Variants in ADAMTS6 observed in about 807,000 individuals in gnomAD.
The protein encoded by ADAMTS6 is ADAM metallopeptidase with thrombospondin type 1 motif 6.
ADAMTS6 carries 23 observed loss-of-function variants against 144.3 expected under a neutral mutation model. The ratio of observed to expected loss-of-function variants is 0.16; its 90% CI spans 0.11 to 0.23. The LOEUF (loss-of-function observed/expected upper bound fraction) is 0.23. ADAMTS6 is among the 10% of genes least tolerant of loss of function. ADAMTS6 has a pLI of 1.00. For synonymous variants in ADAMTS6, 444 were observed against 457.5 expected (o/e 0.97, Z 0.38); for missense variants, 999 against 1,379.6 (o/e 0.72, Z 4.37).
chr5:65,421,413 C>G (rs962231288), intron 7 of ADAMTS6, among the ~76,000 whole-genome samples: 2 of 152,164 alleles, frequency 1.3e-5, no homozygotes, highest in African/African-American at 4.8e-5. Flanking sequence ...TTCTGGCTTG[C>G]AAGGTTTCTG....
At chr5:65,188,793 T>C (rs1012017820) in intron 21 of ADAMTS6, among the ~76,000 whole-genome samples, 1 of 152,250 alleles carries the variant, frequency 6.6e-6, no homozygotes, top group African/African-American at 2.4e-5. Flanking sequence ...TAACATAGTG[T>C]CTGTCATATA....
chr5:65,455,089 T>C (rs1327509359), intron 4 of ADAMTS6, among the ~76,000 whole-genome samples: 2 of 152,264 alleles, frequency 1.3e-5, no homozygotes, highest in Non-Finnish European at 2.9e-5. Context: ...TCTCTTACTC[T>C]GGCTAAACAG....
rs957001736 is a variant in ADAMTS6, at chr5:65,257,561, T to C, written c.1830+3039A>G. ...CTTACCAATATCCTTACGTTTTTCT[T>C]GATTTATTGTTCTGTTGTAATCTTG... On this transcript the variant is annotated intron_variant, in intron 14 of 24. Transcript: ENST00000381055. Among the ~76,000 whole-genome samples, 13 of 152,314 alleles carry C rather than the reference T, an allele frequency of 8.5e-5. No homozygotes were observed. In the Middle Eastern group the frequency reaches 0.01, roughly 120 times the overall value.
At chr5:65,326,007 T>C (rs911086594) in intron 9 of ADAMTS6, among the ~76,000 whole-genome samples, 1 of 152,148 alleles carries the variant, frequency 6.6e-6, no homozygotes, top group African/African-American at 2.4e-5. Context: ...GCTATTCTTG[T>C]TTTCTCTTTC....
At chr5:65,292,321 A>C (rs1580315256) in intron 10 of ADAMTS6, among the ~76,000 whole-genome samples, 2 of 151,774 alleles carry the variant, frequency 1.3e-5, no homozygotes, top group African/African-American at 4.8e-5. Context: ...AGAATTTTTA[A>C]AGAATTCCTA....
chr5:65,324,782 G>A (rs1314655153), intron 9 of ADAMTS6, among the ~76,000 whole-genome samples: 1 of 152,086 alleles, frequency 6.6e-6, no homozygotes, highest in Admixed American at 6.6e-5. Flanking sequence ...CACATGAAAA[G>A]ATGCTCACCA....
At chr5:65,292,321 A>T (rs1580315256) in intron 10 of ADAMTS6, among the ~76,000 whole-genome samples, 2 of 151,864 alleles carry the variant, frequency 1.3e-5, no homozygotes, top group East Asian at 3.9e-4. Context: ...AGAATTTTTA[A>T]AGAATTCCTA....
At chr5:65,200,019 C>T (rs375934926) in intron 20 of ADAMTS6, among the ~76,000 whole-genome samples, 2 of 152,052 alleles carry the variant, frequency 1.3e-5, no homozygotes, top group African/African-American at 4.8e-5. Context: ...GCATGTTTTC[C>T]TTACATTTGT....
rs926641458 is a variant in ADAMTS6 at position 65,195,807 on chromosome 5, C to T, written c.2705+1215G>A. 2.0e-5 allele frequency among the ~76,000 whole-genome samples: 3 copies of T among 152,140 alleles called. No individual in the cohort carries two copies. In the East Asian group the frequency reaches 5.8e-4, roughly 29 times the overall value. On this transcript the variant is annotated intron_variant, in intron 21 of 24. Coordinates refer to ENST00000381055, the MANE Select transcript of ADAMTS6 (RefSeq NM_197941.4). ...GTTTCATGTTGGGATGATTAATTAACCAGGAAGATAACAGTTCATCCAATT... is the reference window on the plus strand; with the variant it reads ...GTTTCATGTTGGGATGATTAATTAATCAGGAAGATAACAGTTCATCCAATT...
intron 11 of ADAMTS6, among the ~76,000 whole-genome samples, chr5:65,286,362 T>C (rs1007680323): frequency 4.6e-5 from 7 of 152,198 alleles, no homozygotes; most frequent in Non-Finnish European, 8.8e-5. Flanking sequence ...CATGACACCA[T>C]GTATTAGCTC....
intron 23 of ADAMTS6, among the ~76,000 whole-genome samples, chr5:65,172,370 C>T (rs56330747): frequency 1.6e-4 from 24 of 150,274 alleles, no homozygotes; most frequent in East Asian, 3.9e-4. Flanking sequence ...GCCGAGATCG[C>T]GCCACTGCAC....
intron 20 of ADAMTS6, among the ~76,000 whole-genome samples, chr5:65,204,717 C>T (rs1240745923): frequency 6.6e-6 from 1 of 152,138 alleles, no homozygotes; most frequent in Non-Finnish European, 1.5e-5. Context: ...TCTTCCTAAA[C>T]TCAAGTCATT....
chr5:65,466,902 C>T (rs1443585765), intron 3 of ADAMTS6, among the ~76,000 whole-genome samples: 3 of 152,040 alleles, frequency 2.0e-5, no homozygotes, highest in South Asian at 2.1e-4. Flanking sequence ...ATTAGCCGGG[C>T]GTAGTGGCGG....
Position 65,288,136 on chromosome 5 carries a change from A to G in ADAMTS6, c.1512+3193T>C, listed in dbSNP as rs556855044. Among the ~76,000 whole-genome samples, 4 of 152,256 alleles carry G rather than the reference A, an allele frequency of 2.6e-5. No individual in the cohort carries two copies. In the East Asian group the frequency reaches 7.7e-4, roughly 29 times the overall value. Reference sequence around the variant, plus strand: ...AAATTTCCAAACATAACTAACATGTATATTAATGAACCTACTCACTAAGAA... The same window carrying G: ...AAATTTCCAAACATAACTAACATGTGTATTAATGAACCTACTCACTAAGAA... On this transcript the variant is annotated intron_variant, in intron 11 of 24. Coordinates refer to ENST00000381055, the MANE Select transcript of ADAMTS6 (RefSeq NM_197941.4).
intron 7 of ADAMTS6, among the ~76,000 whole-genome samples, chr5:65,449,744 A>G (rs1043652641): frequency 2.0e-5 from 3 of 152,246 alleles, no homozygotes; most frequent in Non-Finnish European, 2.9e-5. Flanking sequence ...AATCGGGAAA[A>G]TATCAAGGCG....
At chr5:65,182,104 A>G (rs1754392172) in intron 22 of ADAMTS6, among the ~76,000 whole-genome samples, 2 of 152,162 alleles carry the variant, frequency 1.3e-5, no homozygotes, top group South Asian at 4.1e-4. Context: ...TCCATCTGAG[A>G]AGTCCCCAGG....
chr5:65,415,656 G>C, intron 7 of ADAMTS6: 1 of 278,718 alleles, frequency 3.6e-6, no homozygotes, highest in Non-Finnish European at 7.1e-6. Flanking sequence ...TCAAGGATGA[G>C]GTTTTGAAGA....
chr5:65,338,279 A>G (rs1019864692), intron 7 of ADAMTS6, among the ~76,000 whole-genome samples: 4 of 152,262 alleles, frequency 2.6e-5, no homozygotes, highest in African/African-American at 9.6e-5. Flanking sequence ...CTTTAGGGAA[A>G]TCAGGGTTCC....
At chr5:65,255,324 T>C (rs776463786) in intron 14 of ADAMTS6, among the ~76,000 whole-genome samples, 1 of 152,142 alleles carries the variant, frequency 6.6e-6, no homozygotes, top group Non-Finnish European at 1.5e-5. Flanking sequence ...TTTGGTTACA[T>C]GCCTAAGTTC....
Sources: gnomAD v4.1 joint callset for allele counts (sites outside exome capture counted in the v4.1 genomes callset) on GRCh38, gnomAD v4.1.1 for gene constraint, MANE v1.5 for transcripts, NCBI Gene and HGNC (gene_info 2026-07-23, HGNC 2026-07-21) for gene names.